TSNARE1: variants seen among roughly 807,000 people sequenced by gnomAD.
The protein encoded by TSNARE1 is t-SNARE domain-containing protein 1.
A neutral mutation model predicts 62.0 loss-of-function variants in TSNARE1; 49 were observed. That is an observed-to-expected ratio of 0.79 (90% CI 0.63 to 1.00). TSNARE1 has a LOEUF of 1.00. Among genes scored for constraint, TSNARE1 ranks in the 50% least tolerant of loss-of-function variants. The pLI is 0.00. For synonymous variants in TSNARE1, 328 were observed against 294.4 expected, an observed-to-expected ratio of 1.11 and a Z score of -1.17; for missense variants, 755 against 700.1, an observed-to-expected ratio of 1.08 and a Z score of -0.88.
intron 12 of TSNARE1, among the ~76,000 whole-genome samples, chr8:142,230,581 C>T (rs1817054261): frequency 6.6e-6 from 1 of 152,016 alleles, no homozygotes; most frequent in African/African-American, 2.4e-5. Context: ...GGGCAGGGGC[C>T]TAGGGGAGGG....
intron 9 of TSNARE1, among the ~76,000 whole-genome samples, chr8:142,305,627 C>T (rs1211771444): frequency 6.6e-6 from 1 of 152,128 alleles, no homozygotes; most frequent in African/African-American, 2.4e-5. Context: ...ACGCCCGGGT[C>T]CCTCCGCGGC....
upstream of TSNARE1, chr8:142,403,893 C>T (rs981603723): frequency 6.6e-6 from 1 of 152,312 alleles, no homozygotes; most frequent in African/African-American, 2.4e-5. Flanking sequence ...CGAAAGACTC[C>T]AGCCCCTCGC....
intron 11 of TSNARE1, chr8:142,277,010 G>T (rs75634147): frequency 1.0e-6 from 1 of 985,342 alleles, no homozygotes; most frequent in Non-Finnish European, 1.2e-6. Flanking sequence ...CTGTGCGGCC[G>T]CGTGTTGCTC....
chr8:142,357,815 C>G (rs1443958065), intron 1 of TSNARE1, among the ~76,000 whole-genome samples: 1 of 152,146 alleles, frequency 6.6e-6, no homozygotes, highest in African/African-American at 2.4e-5. Flanking sequence ...GAGAAGCCAC[C>G]ACGGAGAGAG....
intron 12 of TSNARE1, chr8:142,271,640 A>G: frequency 7.1e-7 from 1 of 1,413,914 alleles, no homozygotes. Context: ...GGGCCCTTCC[A>G]GGGACCTCAG....
chr8:142,352,788 G>A (rs145067185), intron 2 of TSNARE1, among the ~76,000 whole-genome samples: 3 of 152,266 alleles, frequency 2.0e-5, no homozygotes, highest in East Asian at 1.9e-4. Flanking sequence ...AGCAAGATGC[G>A]GCACATACAC....
chr8:142,365,455 G>A (rs1835463096), intron 1 of TSNARE1, among the ~76,000 whole-genome samples: 1 of 152,196 alleles, frequency 6.6e-6, no homozygotes, highest in African/African-American at 2.4e-5. Flanking sequence ...CTTTAGAATG[G>A]AGAAGCTATT....
chr8:142,294,584 A>C (rs1488851248), intron 10 of TSNARE1, among the ~76,000 whole-genome samples: 1 of 152,124 alleles, frequency 6.6e-6, no homozygotes, highest in Non-Finnish European at 1.5e-5. Context: ...CTCAGTGCAG[A>C]GGGTGGAGGC....
chr8:142,359,562 A>G (rs1835005916), intron 1 of TSNARE1, among the ~76,000 whole-genome samples: 1 of 152,134 alleles, frequency 6.6e-6, no homozygotes, highest in Admixed American at 6.5e-5. Context: ...TGGATGCCAC[A>G]CAAGTCCATG....
At chr8:142,363,216 G>A (rs1433818103) in intron 1 of TSNARE1, among the ~76,000 whole-genome samples, 1 of 152,216 alleles carries the variant, frequency 6.6e-6, no homozygotes, top group Non-Finnish European at 1.5e-5. Context: ...TGGCCCAGAG[G>A]AAGCAGCAGG....
chr8:142,321,618 G>C lies in TSNARE1; in HGVS notation c.894-2984C>G, dbSNP rs1829497586. ...CTTGCAAATTACCAAGATCAAGAAT[G>C]AAAGAGTGAGCCTGACTACAGATCC... On this transcript the variant is annotated intron_variant, in intron 6 of 13. Transcript: ENST00000524325. 2.0e-5 allele frequency among the ~76,000 whole-genome samples: 3 copies of C among 152,176 alleles called. 1 individual carries two copies. The South Asian group carries it at 6.2e-4, about 32-fold the overall frequency.
At chr8:142,222,684 CCACTCACTCACTCATCCACT>C (rs1563755745) in intron 13 of TSNARE1, among the ~76,000 whole-genome samples, 1 of 86,712 alleles carries the variant, frequency 1.2e-5, no homozygotes, top group Non-Finnish European at 2.1e-5. Flanking sequence ...ATCCACTCAT[CCACTCACTCACTCATCCACT>C]CACTCACTCA....
At chr8:142,309,665 G>A (rs928267871) in intron 9 of TSNARE1, among the ~76,000 whole-genome samples, 5 of 152,090 alleles carry the variant, frequency 3.3e-5, no homozygotes, top group Admixed American at 3.3e-4. Context: ...CTAATATTTA[G>A]GACTTTTGTG....
At chr8:142,363,533 G>A (rs1253761201) in intron 1 of TSNARE1, among the ~76,000 whole-genome samples, 1 of 152,132 alleles carries the variant, frequency 6.6e-6, no homozygotes, top group African/African-American at 2.4e-5. Flanking sequence ...GCCCCTTCAA[G>A]GTGGCCTCTT....
At chr8:142,309,499 T>C (rs977773358) in intron 9 of TSNARE1, among the ~76,000 whole-genome samples, 4 of 152,240 alleles carry the variant, frequency 2.6e-5, no homozygotes, top group Non-Finnish European at 5.9e-5. Flanking sequence ...TGCTTTTTTC[T>C]ATCTGTTGAA....
intron 12 of TSNARE1, among the ~76,000 whole-genome samples, chr8:142,254,187 A>G (rs749746800): frequency 1.5e-4 from 23 of 152,268 alleles, no homozygotes; most frequent in Non-Finnish European, 3.1e-4. Flanking sequence ...AATGAAACCG[A>G]TCTATATCTG....
At chr8:142,305,576 G>A (rs1298367649) in intron 9 of TSNARE1, among the ~76,000 whole-genome samples, 1 of 152,184 alleles carries the variant, frequency 6.6e-6, no homozygotes, top group Non-Finnish European at 1.5e-5. Flanking sequence ...GCTCTCCCCA[G>A]CAGTGCAGGA....
At chr8:142,404,169 C>G (rs1456680377), upstream of TSNARE1, 1 of 152,398 alleles carries the variant, frequency 6.6e-6, no homozygotes, top group Non-Finnish European at 1.5e-5. Flanking sequence ...CCGCGGACAG[C>G]CTTGCTGAGC....
chr8:142,329,877 C>T (rs1202493907), intron 6 of TSNARE1, among the ~76,000 whole-genome samples: 2 of 152,238 alleles, frequency 1.3e-5, no homozygotes, highest in Non-Finnish European at 2.9e-5. Flanking sequence ...CCCTGAACAT[C>T]TGCAAAGGGT....
Sources: allele counts gnomAD v4.1 joint callset (sites outside exome capture counted in the v4.1 genomes callset), GRCh38; gene constraint gnomAD v4.1.1; transcripts MANE v1.5; gene names NCBI Gene and HGNC (gene_info 2026-07-23, HGNC 2026-07-21).